RYR1: variants seen among roughly 807,000 people sequenced by gnomAD.
The protein encoded by RYR1 is ryanodine receptor 1.
In RYR1, 342 loss-of-function variants were observed where a neutral mutation model predicts 583.5. The observed-to-expected ratio is 0.59, with a 90% CI of 0.54 to 0.64. The LOEUF (loss-of-function observed/expected upper bound fraction) is 0.64, where lower values mean the gene tolerates loss of function less well. Ranked by LOEUF, RYR1 falls within the 30% of genes least tolerant of loss-of-function variation. RYR1 has a pLI of 0.00. For missense variants in RYR1, 6,032 were observed against 6,917.2 expected (o/e 0.87, Z 4.54); for synonymous variants, 2,791 against 2,822.5 (o/e 0.99, Z 0.35).
Position 38,448,273 on chromosome 19 carries a change from A to C in RYR1, c.801-82A>C, listed in dbSNP as rs147685023. 3.4e-6 allele frequency: 5 copies of C among 1,487,914 alleles called. 1 individual carries two copies. Among genetic ancestry groups the C allele is most frequent in the Admixed American group, 3.8e-5 (2 of 52,282 alleles). 92.2% of individuals were successfully genotyped at this position (1,487,914 alleles called of 1,614,324 possible). On this transcript the variant is annotated intron_variant, in intron 9 of 105. Transcript: ENST00000359596. Reference sequence around the variant, plus strand: ...ATAGCAAGACCTGGTTTCTGTAAAAAAAAGAAAAAGAAGAAAAGACTGTAA... The same window carrying C: ...ATAGCAAGACCTGGTTTCTGTAAAACAAAGAAAAAGAAGAAAAGACTGTAA...
At chr19:38,458,372 G>C (rs1967539305) in intron 18 of RYR1, 80 bp downstream of exon 18, 9 of 1,450,008 alleles carry the variant, frequency 6.2e-6, no homozygotes, top group Non-Finnish European at 8.7e-6. Flanking sequence ...ACACCTTGGG[G>C]TTCTCAGGAT....
chr19:38,448,702 G>C lies in RYR1; in HGVS notation c.1011G>C (p.Glu337Asp). The change falls in exon 11 of 106, where the codon GAG becomes GAC. Residue 337 changes from glutamate (E) to aspartate (D), a missense_variant. This residue lies in a region of RYR1 where 338 missense variants were observed against 441.6 expected (regional missense o/e 0.77). Coordinates refer to ENST00000359596, the MANE Select transcript of RYR1 (RefSeq NM_000540.3). ...ATGTGGAGGGCATGGGCCCCCCTGA[G>C]ATCAAGTACGGGGAGTCACTGTGCT... is the stretch of plus-strand genomic sequence containing the variant. ...KRDVEGMGPP[E>D]IKYGESLCFV... 6.2e-7 allele frequency: 1 copy of C among 1,614,254 alleles called. No individual in the cohort carries two copies. Among genetic ancestry groups the C allele is most frequent in the Non-Finnish European group, 8.5e-7 (1 of 1,180,046 alleles).
chr19:38,532,983 G>A (rs1459553597), intron 78 of RYR1, among the ~76,000 whole-genome samples: 1 of 151,426 alleles, frequency 6.6e-6, no homozygotes, highest in African/African-American at 2.4e-5. Flanking sequence ...GGTCAGGGCT[G>A]GGATTGAGGA....
In RYR1 at chr19:38,572,189, C is replaced by T; in HGVS notation, c.13917C>T (p.Tyr4639=). 2 of 1,614,030 alleles carry T rather than the reference C, an allele frequency of 1.2e-6. No individual in the cohort carries two copies. The highest frequency in any genetic ancestry group is 1.3e-5 in the African/African-American group (1 of 74,978). ...ACTTCCTGGAGGAAAGCACAGGCTA[C>T]ATGGAACCCGCCCTGCGGTGTCTGA... is the stretch of plus-strand genomic sequence containing the variant. ...VYYFLEESTG[Y]MEPALRCLSL... is the part of the protein sequence containing the mutation. The change falls in exon 95 of 106, where the codon TAC becomes TAT. Residue 4639 remains tyrosine, a synonymous_variant. Coordinates refer to ENST00000359596, the MANE Select transcript of RYR1 (RefSeq NM_000540.3).
Position 38,451,767 on chromosome 19 carries a change from A to G in RYR1, c.1126A>G (p.Met376Val), listed in dbSNP as rs376652821. ...ACCTCTGTCTCCCCACTCCTAGGCCATGCTGCACCAGGAGGGCCACATGGA... is the reference window on the plus strand; with the variant it reads ...ACCTCTGTCTCCCCACTCCTAGGCCGTGCTGCACCAGGAGGGCCACATGGA... ...LRLGVLKKKA[M>V]LHQEGHMDDA... The change falls in exon 12 of 106, where the codon ATG becomes GTG. Residue 376 changes from methionine (M) to valine (V), a missense_variant. By Grantham distance (21) the Met-to-Val change is conservative. Transcript: ENST00000359596. 28 of 1,614,012 alleles carry G rather than the reference A, an allele frequency of 1.7e-5. No homozygotes were observed. Among genetic ancestry groups the G allele is most frequent in the African/African-American group, 9.3e-5 (7 of 74,918 alleles).
chr19:38,442,531 A>G, intron 3 of RYR1, 78 bp downstream of exon 3: 1 of 1,044,404 alleles, frequency 9.6e-7, no homozygotes, highest in East Asian at 2.4e-5. Context: ...GCACGGTGGC[A>G]AGGATGGGTG....
intron 27 of RYR1, 144 bp downstream of exon 27, chr19:38,469,657 T>C (rs970065576): frequency 2.2e-6 from 2 of 899,952 alleles, no homozygotes; most frequent in Admixed American, 2.0e-5. Context: ...GCTCACGGGC[T>C]GTATGACTCC....
At chr19:38,548,542 A>G (rs1028702483) in intron 89 of RYR1, 122 bp downstream of exon 89, 1 of 897,374 alleles carries the variant, frequency 1.1e-6, no homozygotes, top group African/African-American at 1.7e-5. Context: ...CCTTGTTTGT[A>G]AAATGAGGAT....
chr19:38,469,218 C>T, intron 26 of RYR1, 78 bp downstream of exon 26: 1 of 1,606,034 alleles, frequency 6.2e-7, no homozygotes, highest in Admixed American at 1.7e-5. Context: ...CTTCTGCCTC[C>T]AACTCTCCCA....
At position 38,496,902 on chromosome 19, in the gene RYR1, T is replaced by C. The variant is rs1211824856; in HGVS notation, c.6839T>C (p.Val2280Ala). ...CCCCTGGACGTGGCTGCTGCCTCCG[T>C]CATTGACAACAATGAGCTGGCCTTG... ...STPLDVAAAS[V>A]IDNNELALAL... Residue 2280 changes from valine to alanine, a missense_variant, in exon 42 of 106, where the codon GTC becomes GCC. By Grantham distance (64) the Val-to-Ala change is moderately conservative. Transcript: ENST00000359596. This position sits in a 1 kb window ranked among gnomAD's most constrained non-coding sequence, Gnocchi z 4.8. The C allele has an allele frequency of 6.2e-7, 1 of 1,613,504 alleles. No homozygotes were observed. Among genetic ancestry groups the C allele is most frequent in the Admixed American group, 1.7e-5 (1 of 60,014 alleles).
Position 38,473,411 on chromosome 19 carries a change from C to A in RYR1, c.3800C>A (p.Pro1267His), listed in dbSNP as rs150495044. The change falls in exon 28 of 106, where the codon CCC (proline) becomes CAC (histidine). Residue 1267 changes from proline to histidine, a missense_variant. Physicochemically the swap from Pro to His is moderately conservative, Grantham distance 77. Around this residue, in one of 11 missense-constraint regions of RYR1, gnomAD observed 2,627 missense variants for 2,961.3 expected, o/e 0.89. Coordinates refer to ENST00000359596, the MANE Select transcript of RYR1 (RefSeq NM_000540.3). ...GTGGACGGCACTGTGGACACGCCCC[C>A]CTGCCTGCGCCTGACCCACCGCACC... ...SRVDGTVDTP[P>H]CLRLTHRTWG... is the part of the protein sequence containing the mutation. 8 of 1,613,882 alleles carry A rather than the reference C, an allele frequency of 5.0e-6. No homozygotes were observed. The highest frequency in any genetic ancestry group is 4.4e-5 in the South Asian group (4 of 91,086).
Position 38,500,806 on chromosome 19 carries a change from C to T in RYR1, c.7445-15C>T. 1 of 1,613,854 alleles carries T rather than the reference C, an allele frequency of 6.2e-7. No individual in the cohort carries two copies. Among genetic ancestry groups the T allele is most frequent in the Middle Eastern group, 1.6e-4 (1 of 6,062 alleles). ...GTCCGCAGGGCATCCCCGAACCCAC[C>T]CTCCCTGCCTGCAGATGGGGCTCTG... On this transcript the variant is annotated splice_polypyrimidine_tract_variant and intron_variant, in intron 46 of 105. Coordinates refer to ENST00000359596, the MANE Select transcript of RYR1 (RefSeq NM_000540.3). This position sits in a 1 kb window ranked among gnomAD's most constrained non-coding sequence, Gnocchi z 5.9.
chr19:38,446,745 G>T lies in RYR1; in HGVS notation c.777G>T (p.Trp259Cys). 6.2e-7 allele frequency: 1 copy of T among 1,613,878 alleles called. No individual in the cohort carries two copies. Among genetic ancestry groups the T allele is most frequent in the African/African-American group, 1.3e-5 (1 of 75,024 alleles). ...GAVCTHARSL[W>C]RLEPLRISWS... is the part of the protein sequence containing the mutation. Reference sequence around the variant, plus strand: ...TGTGCACTCATGCCCGCTCCCTCTGGAGGCTGGAGCCACTGAGAATCAGGT... The same window carrying T: ...TGTGCACTCATGCCCGCTCCCTCTGTAGGCTGGAGCCACTGAGAATCAGGT... Residue 259 changes from tryptophan to cysteine, a missense_variant, in exon 9 of 106, where the codon TGG (tryptophan) becomes TGT (cysteine). Trp to Cys is a radical substitution (Grantham distance 215, BLOSUM62 -2). Around this residue, in one of 11 missense-constraint regions of RYR1, gnomAD observed 338 missense variants for 441.6 expected, o/e 0.77. Coordinates refer to ENST00000359596, the MANE Select transcript of RYR1 (RefSeq NM_000540.3).
intron 69 of RYR1, 61 bp from the exon 70 acceptor site, chr19:38,523,854 T>TG: frequency 6.2e-7 from 1 of 1,612,768 alleles, no homozygotes; most frequent in Non-Finnish European, 8.5e-7. Context: ...GAGTTGGGCC[T>TG]GGGCTTCTCT....
rs183594801 is a variant in RYR1 at position 38,492,211 on chromosome 19, C to T, written c.6128-279C>T. ...ACCCCCATCTCTACAGAAAAAGATA[C>T]AAAATTAACAGGGCATGGTGGCATA... On this transcript the variant is annotated intron_variant, in intron 37 of 105. Transcript: ENST00000359596. 2.2e-3 allele frequency among the ~76,000 whole-genome samples: 331 copies of T among 151,912 alleles called. 7 individuals are homozygous for T. The highest frequency in any genetic ancestry group is 3.8e-4 in the Non-Finnish European group (26 of 67,942).
intron 11 of RYR1, among the ~76,000 whole-genome samples, chr19:38,450,749 T>C (rs528233947): frequency 1.4e-5 from 1 of 71,822 alleles, no homozygotes; most frequent in South Asian, 3.9e-4. Context: ...ATGTTGCCCA[T>C]TCCTTTTCTG....
chr19:38,437,119 C>A (rs1005972574), intron 1 of RYR1, among the ~76,000 whole-genome samples: 2 of 151,554 alleles, frequency 1.3e-5, no homozygotes, highest in African/African-American at 4.9e-5. Context: ...GGCACAATCT[C>A]GGCTCACTGC....
rs567997185 is a variant in RYR1 at position 38,458,077 on chromosome 19, G to A, written c.1952G>A (p.Arg651Gln). The A allele has an allele frequency of 3.5e-5, 57 of 1,613,732 alleles. 1 individual carries two copies. Among genetic ancestry groups the A allele is most frequent in the Non-Finnish European group, 4.6e-5 (54 of 1,180,014 alleles). Residue 651 changes from arginine to glutamine, a missense_variant, in exon 18 of 106, where the codon CGA becomes CAA. Arg to Gln is a conservative substitution (Grantham distance 43). Coordinates refer to ENST00000359596, the MANE Select transcript of RYR1 (RefSeq NM_000540.3). ...TSIRPNIFVGRAEGTTQYSKW... is the reference protein window; with the variant it reads ...TSIRPNIFVGQAEGTTQYSKW... Reference sequence around the variant, plus strand: ...ATCCGCCCCAACATCTTTGTGGGCCGAGCGGAAGGCACCACGCAGTACAGC... The same window carrying A: ...ATCCGCCCCAACATCTTTGTGGGCCAAGCGGAAGGCACCACGCAGTACAGC...
chr19:38,524,191 A>C (rs535488678), intron 70 of RYR1, among the ~76,000 whole-genome samples: 3 of 147,564 alleles, frequency 2.0e-5, no homozygotes, highest in Admixed American at 6.7e-5. Context: ...GTTCCCAAAA[A>C]AAAAAAAAAA....
Sources: allele counts gnomAD v4.1 joint callset (sites outside exome capture counted in the v4.1 genomes callset), GRCh38; gene constraint gnomAD v4.1.1; regional missense constraint gnomAD v4.1.1; non-coding constraint Gnocchi (gnomAD v3.1); transcripts MANE v1.5; gene names NCBI Gene and HGNC (gene_info 2026-07-23, HGNC 2026-07-21).